PLA2G4C: variants seen among roughly 807,000 people sequenced by gnomAD.
PLA2G4C encodes phospholipase A2 group IVC.
PLA2G4C carries 64 observed loss-of-function variants against 73.8 expected under a neutral mutation model. The observed-to-expected ratio is 0.87, with a 90% CI of 0.71 to 1.07. The LOEUF is 1.07. Among genes scored for constraint, PLA2G4C ranks in the 50% least tolerant of loss-of-function variants. PLA2G4C has a pLI of 0.00. For synonymous variants in PLA2G4C, 254 were observed against 252.1 expected (o/e 1.01, Z -0.07); for missense variants, 622 against 665.4 (o/e 0.93, Z 0.72).
Position 48,110,531 on chromosome 19 carries a change from T to TGCTACGGAATCCGGTGCGGAGGCTTGG in PLA2G4C, c.-78_-77insCCAAGCCTCCGCACCGGATTCCGTAGC. On this transcript the variant is annotated 5_prime_UTR_variant, in exon 1 of 17. Coordinates refer to ENST00000599921, the MANE Select transcript of PLA2G4C (RefSeq NM_003706.3). Reference sequence around the variant, plus strand: ...GTGTGCGCATGCGCGGTGGAGCTTGTGCTCCGGAATCCGGTGCGGAGGCTT... The same window carrying TGCTACGGAATCCGGTGCGGAGGCTTGG: ...GTGTGCGCATGCGCGGTGGAGCTTGTGCTACGGAATCCGGTGCGGAGGCTTGGGCTCCGGAATCCGGTGCGGAGGCTT... The TGCTACGGAATCCGGTGCGGAGGCTTGG allele has an allele frequency of 7.2e-7, 1 of 1,386,158 alleles. No individual in the cohort carries two copies. Among genetic ancestry groups the TGCTACGGAATCCGGTGCGGAGGCTTGG allele is most frequent in the Admixed American group, 2.3e-5 (1 of 44,352 alleles). The allele number at this position is 1,386,158 out of a possible 1,614,324, so 85.9% of individuals were successfully genotyped here. A position where few individuals can be genotyped will look rare whatever the true frequency, so the allele number is the denominator to read the frequency against.
rs780183034 is a variant in PLA2G4C at position 48,088,666 on chromosome 19, T to C, written c.790+20A>G. 3.5e-5 allele frequency: 55 copies of C among 1,587,038 alleles called. No homozygotes were observed. The East Asian group carries it at 1.2e-3, about 35-fold the overall frequency. On this transcript the variant is annotated intron_variant, in intron 9 of 16. Coordinates refer to ENST00000599921, the MANE Select transcript of PLA2G4C (RefSeq NM_003706.3). ...GGTCCCCATTATCATCAGGGATTCATGATGAAGTAGGATGCTTACCTTTCA... is the reference window on the plus strand; with the variant it reads ...GGTCCCCATTATCATCAGGGATTCACGATGAAGTAGGATGCTTACCTTTCA...
At chr19:48,105,615 TACA>T in intron 2 of PLA2G4C, 171 bp from the exon 3 acceptor site, 1 of 581,632 alleles carries the variant, frequency 1.7e-6, no homozygotes, top group Non-Finnish European at 3.1e-6. Context: ...GTGATGGTTG[TACA>T]ACACTGTGAA....
At position 48,090,211 on chromosome 19, in the gene PLA2G4C, G is replaced by A. The variant is rs564450553; in HGVS notation, c.763+153C>T. The A allele has an allele frequency of 2.2e-4, 142 of 650,466 alleles. 1 individual carries two copies. The African/African-American group carries it at 2.3e-3, about 11-fold the overall frequency. The allele number at this position is 650,466 out of a possible 1,614,324, so 40.3% of individuals were successfully genotyped here. A position where few individuals can be genotyped will look rare whatever the true frequency, so the allele number is the denominator to read the frequency against. On this transcript the variant is annotated intron_variant, in intron 8 of 16. Coordinates refer to ENST00000599921, the MANE Select transcript of PLA2G4C (RefSeq NM_003706.3). ...TCTCATCCACTCTGTGGTCATCCTG[G>A]CTGCCCAATTATATGAGAATAAATG...
intron 8 of PLA2G4C, chr19:48,090,055 T>C: frequency 3.1e-6 from 1 of 318,820 alleles, no homozygotes; most frequent in East Asian, 6.2e-5. Context: ...TCATCAAATA[T>C]TCATAACTAC....
intron 12 of PLA2G4C, among the ~76,000 whole-genome samples, chr19:48,068,741 A>G (rs554253548): frequency 8.6e-5 from 13 of 151,596 alleles, no homozygotes; most frequent in Admixed American, 3.3e-4. Context: ...TAAAAAAAAA[A>G]AAAAAAGAAA....
intron 10 of PLA2G4C, among the ~76,000 whole-genome samples, chr19:48,082,496 CTTTT>C (rs66641645): frequency 3.8e-5 from 4 of 106,276 alleles, no homozygotes; most frequent in African/African-American, 7.5e-5. Flanking sequence ...TTCTTTCTTT[CTTTT>C]TTTTTTTTTT....
chr19:48,099,106 A>T lies in PLA2G4C; in HGVS notation c.447+565T>A, dbSNP rs561472399. 1.1e-3 allele frequency among the ~76,000 whole-genome samples: 166 copies of T among 151,672 alleles called. 2 individuals are homozygous for T. Among genetic ancestry groups the T allele is most frequent in the African/African-American group, 3.9e-3 (160 of 41,354 alleles). On this transcript the variant is annotated intron_variant, in intron 5 of 16. Coordinates refer to ENST00000599921, the MANE Select transcript of PLA2G4C (RefSeq NM_003706.3). The stretch of plus-strand genomic sequence containing the variant: ...AAGATCCCTGTCTCTACAAAAAAAA[A>T]AATAATTAAAAATTAGCCAGGCACG...
At chr19:48,106,313 G>A (rs1223172139) in intron 2 of PLA2G4C, among the ~76,000 whole-genome samples, 2 of 151,930 alleles carry the variant, frequency 1.3e-5, no homozygotes, top group African/African-American at 4.8e-5. Context: ...GGCTAGTCTC[G>A]AACTCTGGGG....
chr19:48,048,499 A>G, intron 16 of PLA2G4C, 111 bp from the exon 17 acceptor site: 1 of 610,798 alleles, frequency 1.6e-6, no homozygotes, highest in Non-Finnish European at 2.8e-6. Context: ...GACTTAGGAG[A>G]AAGACATTCA....
At chr19:48,067,410 C>T (rs537724226) in intron 13 of PLA2G4C, among the ~76,000 whole-genome samples, 21 of 152,170 alleles carry the variant, frequency 1.4e-4, no homozygotes, top group African/African-American at 4.6e-4. Context: ...TCAAGTGATC[C>T]GCCCGCCTCA....
At chr19:48,096,326 T>C (rs2031566752) in intron 6 of PLA2G4C, among the ~76,000 whole-genome samples, 1 of 152,140 alleles carries the variant, frequency 6.6e-6, no homozygotes, top group South Asian at 2.1e-4. Context: ...CTCACGTCTG[T>C]AATCCCAGCA....
At chr19:48,076,156 A>G (rs556479783) in intron 11 of PLA2G4C, among the ~76,000 whole-genome samples, 2 of 152,292 alleles carry the variant, frequency 1.3e-5, no homozygotes, top group East Asian at 3.9e-4. Flanking sequence ...ACAGGGAGGG[A>G]GGCATGAAGT....
At chr19:48,108,578 C>T (rs963255160) in intron 1 of PLA2G4C, among the ~76,000 whole-genome samples, 4 of 152,182 alleles carry the variant, frequency 2.6e-5, no homozygotes, top group Non-Finnish European at 5.9e-5. Context: ...ATTCTTCAAC[C>T]CACGACTGTT....
chr19:48,070,415 G>A (rs1968611305), intron 12 of PLA2G4C, among the ~76,000 whole-genome samples: 1 of 152,200 alleles, frequency 6.6e-6, no homozygotes, highest in Non-Finnish European at 1.5e-5. Context: ...CCTCCAGACT[G>A]GAGCGTCAAA....
At chr19:48,066,491 C>T (rs935519070) in intron 13 of PLA2G4C, among the ~76,000 whole-genome samples, 1 of 151,918 alleles carries the variant, frequency 6.6e-6, no homozygotes, top group Non-Finnish European at 1.5e-5. Context: ...GTAGGAAGCA[C>T]CCCAGGAGAG....
Position 48,062,153 on chromosome 19 carries a change from C to T in PLA2G4C, c.1103-1G>A, listed in dbSNP as rs1427854647. The T allele has an allele frequency of 1.9e-6, 3 of 1,552,470 alleles. No homozygotes were observed. In the African/African-American group the frequency reaches 4.1e-5, roughly 21 times the overall value. On this transcript the variant is annotated splice_acceptor_variant, in intron 13 of 16. Coordinates refer to ENST00000599921, the MANE Select transcript of PLA2G4C (RefSeq NM_003706.3). LOFTEE classifies it high-confidence loss of function. ...CTCATTATCTTGTCCCGGATGCCAC[C>T]TGTGGTGCCCAGGAAGAAAGAGGAT...
chr19:48,096,494 A>T (rs1376512856), intron 6 of PLA2G4C, among the ~76,000 whole-genome samples: 3 of 151,880 alleles, frequency 2.0e-5, no homozygotes, highest in Non-Finnish European at 4.4e-5. Flanking sequence ...GAGGCAGGAG[A>T]ATCACTTGAA....
At chr19:48,056,027 G>C (rs1469032918) in intron 14 of PLA2G4C, among the ~76,000 whole-genome samples, 1 of 152,020 alleles carries the variant, frequency 6.6e-6, no homozygotes, top group Non-Finnish European at 1.5e-5. Flanking sequence ...TGACACCATG[G>C]GGAAACTTAA....
chr19:48,082,949 G>T (rs1269791629), intron 10 of PLA2G4C, among the ~76,000 whole-genome samples: 1 of 151,228 alleles, frequency 6.6e-6, no homozygotes, highest in East Asian at 1.9e-4. Flanking sequence ...GAGTAGCTGG[G>T]ACTACAGGCG....
Sources: gnomAD v4.1 joint callset for allele counts (sites outside exome capture counted in the v4.1 genomes callset) on GRCh38, gnomAD v4.1.1 for gene constraint, MANE v1.5 for transcripts, NCBI Gene and HGNC (gene_info 2026-07-23, HGNC 2026-07-21) for gene names.